Variants in SLC4A10 observed in about 807,000 individuals in gnomAD.
The protein encoded by SLC4A10 is sodium-driven chloride bicarbonate exchanger.
In SLC4A10, 42 loss-of-function variants were observed where a neutral mutation model predicts 137.7. That is an observed-to-expected ratio of 0.30 (90% confidence interval 0.24 to 0.39). SLC4A10 has a LOEUF of 0.39. Ranked by LOEUF, SLC4A10 falls within the 10% of genes least tolerant of loss-of-function variation. SLC4A10 has a pLI of 1.00. For missense variants in SLC4A10, 925 were observed against 1,355.0 expected (o/e 0.68, Z 4.98); for synonymous variants, 474 against 464.1 (o/e 1.02, Z -0.27).
At chr2:161,847,030 A>T (rs1056713938) in intron 4 of SLC4A10, among the ~76,000 whole-genome samples, 2 of 151,532 alleles carry the variant, frequency 1.3e-5, no homozygotes, top group Non-Finnish European at 2.9e-5. Context: ...TGAGGCCAGG[A>T]GTTCAAGACC....
At chr2:161,838,204 A>G (rs2058938686) in intron 3 of SLC4A10, among the ~76,000 whole-genome samples, 1 of 152,072 alleles carries the variant, frequency 6.6e-6, no homozygotes, top group South Asian at 2.1e-4. Context: ...TGAAGAATAT[A>G]CTTTTTCTGT....
At chr2:161,979,444 G>T (rs961058776) in intron 26 of SLC4A10, among the ~76,000 whole-genome samples, 1 of 152,086 alleles carries the variant, frequency 6.6e-6, no homozygotes, top group African/African-American at 2.4e-5. Flanking sequence ...TTTCACTGAC[G>T]TGAGGTTCAG....
intron 1 of SLC4A10, among the ~76,000 whole-genome samples, chr2:161,654,211 A>T (rs773212353): frequency 6.6e-6 from 1 of 152,150 alleles, no homozygotes; most frequent in African/African-American, 2.4e-5. Context: ...TCTTTAGCCC[A>T]TTTTTAAATT....
intron 3 of SLC4A10, among the ~76,000 whole-genome samples, chr2:161,821,331 T>C (rs2057601627): frequency 6.6e-6 from 1 of 152,234 alleles, no homozygotes; most frequent in Non-Finnish European, 1.5e-5. Flanking sequence ...ATTTCCATTA[T>C]ATGTTTTAGT....
At chr2:161,816,732 T>C (rs1375777702) in intron 3 of SLC4A10, among the ~76,000 whole-genome samples, 1 of 150,918 alleles carries the variant, frequency 6.6e-6, no homozygotes, top group East Asian at 2.0e-4. Context: ...ATGCGGTGTT[T>C]GGTTTTTTGT....
intron 8 of SLC4A10, among the ~76,000 whole-genome samples, chr2:161,875,334 G>A (rs1661547855): frequency 6.6e-6 from 1 of 151,996 alleles, no homozygotes; most frequent in Non-Finnish European, 1.5e-5. Flanking sequence ...AATATTTTAA[G>A]TCTTAATATA....
chr2:161,809,681 G>T (rs777134385), intron 3 of SLC4A10, among the ~76,000 whole-genome samples: 19 of 152,008 alleles, frequency 1.2e-4, no homozygotes, highest in Non-Finnish European at 1.9e-4. Context: ...AGAGCAGACT[G>T]TTGTAGGTGT....
intron 1 of SLC4A10, among the ~76,000 whole-genome samples, chr2:161,730,635 G>A (rs2046727414): frequency 6.6e-6 from 1 of 152,166 alleles, no homozygotes; most frequent in South Asian, 2.1e-4. Context: ...TTCAAACAAA[G>A]GTTAGTTAGG....
intron 5 of SLC4A10, among the ~76,000 whole-genome samples, chr2:161,860,801 G>A (rs1329954086): frequency 6.6e-6 from 1 of 151,978 alleles, no homozygotes; most frequent in Non-Finnish European, 1.5e-5. Context: ...TCTTTCCATT[G>A]TAAACACAAA....
In SLC4A10 at chr2:161,771,016, C is replaced by T; in HGVS notation, c.92C>T (p.Ser31Phe). 6.2e-7 allele frequency: 1 copy of T among 1,605,930 alleles called. No homozygotes were observed. The highest frequency in any genetic ancestry group is 1.7e-5 in the Admixed American group (1 of 59,208). ...EAVVDRGGTR[S>F]ILKTHFEKED... ...GTTGTGGATAGAGGTGGAACTCGTT[C>T]TATTCTCAAAACACACTTTGAGAAA... Residue 31 changes from serine to phenylalanine, a missense_variant, in exon 2 of 27, where the codon TCT (serine) becomes TTT (phenylalanine). By Grantham distance (155) the Ser-to-Phe change is radical. Transcript: ENST00000446997.
chr2:161,645,375 G>T (rs1240941343), intron 1 of SLC4A10, among the ~76,000 whole-genome samples: 2 of 151,654 alleles, frequency 1.3e-5, no homozygotes, highest in Non-Finnish European at 2.9e-5. Context: ...TGTAGTCAGG[G>T]TTACACCTAT....
chr2:161,918,327 T>C (rs1359410500), intron 15 of SLC4A10, among the ~76,000 whole-genome samples: 1 of 152,082 alleles, frequency 6.6e-6, no homozygotes, highest in Admixed American at 6.6e-5. Context: ...AGCTGATTTT[T>C]GTATTTTTAG....
chr2:161,956,063 A>G (rs1462004064), intron 19 of SLC4A10, among the ~76,000 whole-genome samples: 6 of 152,242 alleles, frequency 3.9e-5, no homozygotes, highest in Non-Finnish European at 8.8e-5. Flanking sequence ...TAATAGTTTT[A>G]TTAAGGAGCC....
At chr2:161,834,240 C>A (rs1447584147) in intron 3 of SLC4A10, among the ~76,000 whole-genome samples, 1 of 152,166 alleles carries the variant, frequency 6.6e-6, no homozygotes, top group East Asian at 1.9e-4. Context: ...GTTGAGTACA[C>A]AGCTTGCCAA....
At chr2:161,808,246 C>A (rs1379305095) in intron 3 of SLC4A10, among the ~76,000 whole-genome samples, 2 of 151,856 alleles carry the variant, frequency 1.3e-5, no homozygotes, top group East Asian at 3.9e-4. Context: ...AAGCATATTC[C>A]TTTCAATTTC....
chr2:161,669,235 T>C (rs773702251), intron 1 of SLC4A10, among the ~76,000 whole-genome samples: 30 of 151,874 alleles, frequency 2.0e-4, no homozygotes, highest in Admixed American at 2.0e-4. Context: ...CCTACCAAAT[T>C]GGGATTATGG....
At chr2:161,774,976 T>C (rs925166091) in intron 2 of SLC4A10, among the ~76,000 whole-genome samples, 1 of 151,898 alleles carries the variant, frequency 6.6e-6, no homozygotes, top group African/African-American at 2.4e-5. Flanking sequence ...GTTATTTAGC[T>C]TGTGGAGTTA....
chr2:161,781,778 G>T (rs145053079), intron 2 of SLC4A10, among the ~76,000 whole-genome samples: 2 of 152,130 alleles, frequency 1.3e-5, no homozygotes, highest in African/African-American at 2.4e-5. Context: ...TCCCTTTGTG[G>T]GAAATCCAGC....
rs375996676 is a variant in SLC4A10 at position 161,905,936 on chromosome 2, A to G, written c.1997+49A>G. 7.8e-6 allele frequency: 12 copies of G among 1,528,884 alleles called. No homozygotes were observed. The African/African-American group carries it at 1.1e-4, about 14-fold the overall frequency. The allele number at this position is 1,528,884 out of a possible 1,614,324, so 94.7% of individuals were successfully genotyped here. ...CCTTGGGGCTTTTCTTTTGACAAAT[A>G]TTGCTATTGTTACAAGAAATATGAG... On this transcript the variant is annotated intron_variant, in intron 15 of 26. Coordinates refer to ENST00000446997, the MANE Select transcript of SLC4A10 (RefSeq NM_001178015.2).
Sources: gnomAD v4.1 joint callset for allele counts (sites outside exome capture counted in the v4.1 genomes callset) on GRCh38, gnomAD v4.1.1 for gene constraint, MANE v1.5 for transcripts, NCBI Gene and HGNC (gene_info 2026-07-23, HGNC 2026-07-21) for gene names.